The following LHX4 variants were observed in gnomAD, a reference collection of about 807,000 sequenced individuals.
LHX4 encodes LIM homeobox 4, also known as LIM/homeobox protein Lhx4.
LHX4 carries 16 observed loss-of-function variants against 39.2 expected under a neutral mutation model. The observed-to-expected ratio is 0.41, with a 90% CI of 0.28 to 0.62. LHX4 has a LOEUF of 0.62. LHX4 is among the 20% of genes least tolerant of loss of function. LHX4 has a pLI of 0.33. For missense variants in LHX4, 439 were observed against 511.9 expected (o/e 0.86, Z 1.37); for synonymous variants, 206 against 198.1 (o/e 1.04, Z -0.33).
At chr1:180,246,475 G>C (rs1051531520) in intron 1 of LHX4, among the ~76,000 whole-genome samples, 19 of 152,204 alleles carry the variant, frequency 1.2e-4, no homozygotes, top group Non-Finnish European at 4.4e-5. Context: ...ATTTTGGGAG[G>C]CCGAGGCAGG....
chr1:180,274,087 G>A (rs537245691), intron 5 of LHX4, 98 bp from the exon 6 acceptor site: 2 of 1,479,826 alleles, frequency 1.4e-6, no homozygotes, highest in South Asian at 1.1e-5. Flanking sequence ...GCCATCCTTG[G>A]GCATCTTTCC....
intron 3 of LHX4, among the ~76,000 whole-genome samples, chr1:180,268,080 G>A (rs1558221448): frequency 6.6e-6 from 1 of 152,180 alleles, no homozygotes; most frequent in Non-Finnish European, 1.5e-5. Context: ...TGCCTGCAAT[G>A]TACTAATCTG....
rs4652490 is a variant in LHX4 at position 180,248,115 on chromosome 1, C to T, written c.77-170C>T. ...TCAGTCCCCACTTGTTCCTTGACTA[C>T]GTACGTTTGTGTGCAATGTATAACC... On this transcript the variant is annotated intron_variant, in intron 1 of 5. Coordinates refer to ENST00000263726, the MANE Select transcript of LHX4 (RefSeq NM_033343.4). Among the ~76,000 whole-genome samples the T allele has an allele frequency of 0.18, 27,915 of 152,210 alleles. 2,696 individuals are homozygous for T. The highest frequency in any genetic ancestry group is 0.2 in the African/African-American group (8,394 of 41,524).
chr1:180,253,966 C>A (rs1647737250), intron 2 of LHX4, among the ~76,000 whole-genome samples: 1 of 152,140 alleles, frequency 6.6e-6, no homozygotes, highest in South Asian at 2.1e-4. Flanking sequence ...CCATGTGGAT[C>A]TCTGTGAAGA....
rs1033859279 is a variant in LHX4, at chr1:180,232,228, A to G, written c.76+1623A>G. Among the ~76,000 whole-genome samples, 1 of 152,126 alleles carries G rather than the reference A, an allele frequency of 6.6e-6. No homozygotes were observed. The highest frequency in any genetic ancestry group is 2.4e-5 in the African/African-American group (1 of 41,430). On this transcript the variant is annotated intron_variant, in intron 1 of 5. Transcript: ENST00000263726. The surrounding 1 kb of genome is among the most constrained non-coding windows in gnomAD (Gnocchi z 5.4). ...AGTGGGGGAAGGGTGTGTGTGTGTT[A>G]CTAGTGTCCTTGGTACCCAGTACGT...
In LHX4 at chr1:180,230,737, G is replaced by A; in HGVS notation, c.76+132G>A. On this transcript the variant is annotated intron_variant, in intron 1 of 5. Coordinates refer to ENST00000263726, the MANE Select transcript of LHX4 (RefSeq NM_033343.4). The surrounding 1 kb of genome is among the most constrained non-coding windows in gnomAD (Gnocchi z 5.8). ...GCCGGGGCGCAGAGGCGGTCACAGG[G>A]CAGGGGCACCAGCCAGAGTGCGTTT... The A allele has an allele frequency of 2.5e-6, 2 of 814,228 alleles. No individual in the cohort carries two copies. The highest frequency in any genetic ancestry group is 4.1e-6 in the Non-Finnish European group (2 of 482,760). 50.4% of individuals were successfully genotyped at this position (814,228 alleles called of 1,614,324 possible).
chr1:180,272,865 G>A (rs779085892), intron 5 of LHX4: 27 of 152,246 alleles, frequency 1.8e-4, no homozygotes, highest in Non-Finnish European at 3.8e-4. Flanking sequence ...AACTGTGGAT[G>A]TGCTTGGGGA....
rs200544905 is a variant in LHX4, at chr1:180,230,595, G to T, written c.66G>T (p.Val22=). The change falls in exon 1 of 6, where the codon GTG becomes GTT. Residue 22 remains valine, a synonymous_variant. Coordinates refer to ENST00000263726, the MANE Select transcript of LHX4 (RefSeq NM_033343.4). The surrounding 1 kb of genome is among the most constrained non-coding windows in gnomAD (Gnocchi z 5.8). ...AGGGGCTCCCGGAGATGCTAGGTGT[G>T]CCGATGCAACGTAAGACACCCCCCT... ...AVKGLPEMLG[V]PMQQIPQCAG... The T allele has an allele frequency of 1.1e-5, 18 of 1,613,602 alleles. No individual in the cohort carries two copies. The South Asian group carries it at 1.9e-4, about 17-fold the overall frequency.
At chr1:180,249,923 G>C (rs1389053301) in intron 2 of LHX4, among the ~76,000 whole-genome samples, 2 of 151,840 alleles carry the variant, frequency 1.3e-5, no homozygotes, top group Non-Finnish European at 2.9e-5. Flanking sequence ...GTGTGTGTGA[G>C]AGTGTGTGTG....
chr1:180,270,836 T>C (rs2149265802), intron 3 of LHX4: 1 of 188,664 alleles, frequency 5.3e-6, no homozygotes, highest in South Asian at 1.1e-4. Flanking sequence ...GGTTCTGACC[T>C]ATAGTTTAGA....
rs1648309067 is a variant in LHX4 at position 180,266,286 on chromosome 1, T to C, written c.249-106T>C. ...CTGGGTGACTGGGGGGTGAGGCTCA[T>C]GGAGTCCCGGAGTGGTGGGGTAGGA... On this transcript the variant is annotated intron_variant, in intron 2 of 5. Coordinates refer to ENST00000263726, the MANE Select transcript of LHX4 (RefSeq NM_033343.4). The surrounding 1 kb of genome is among the most constrained non-coding windows in gnomAD (Gnocchi z 5.7). 32 of 1,063,166 alleles carry C rather than the reference T, an allele frequency of 3.0e-5. 1 individual carries two copies. The South Asian group carries it at 4.1e-4, about 14-fold the overall frequency. 65.9% of individuals were successfully genotyped at this position (1,063,166 alleles called of 1,614,324 possible). A position where few individuals can be genotyped will look rare whatever the true frequency, so the allele number is the denominator to read the frequency against.
rs1664149784 is a variant in LHX4 at position 180,230,477 on chromosome 1, G to A, written c.-53G>A. ...TTTGAAATTTCTGAATCGAGCTAGAGCGAGAGAGCGAGAGATCTCCGTAGA... is the reference window on the plus strand; with the variant it reads ...TTTGAAATTTCTGAATCGAGCTAGAACGAGAGAGCGAGAGATCTCCGTAGA... On this transcript the variant is annotated 5_prime_UTR_variant, in exon 1 of 6. Transcript: ENST00000263726. This position sits in a 1 kb window ranked among gnomAD's most constrained non-coding sequence, Gnocchi z 5.8. 1.4e-6 allele frequency: 2 copies of A among 1,443,438 alleles called. No homozygotes were observed. The highest frequency in any genetic ancestry group is 1.9e-6 in the Non-Finnish European group (2 of 1,027,444). The allele number at this position is 1,443,438 out of a possible 1,614,324, so 89.4% of individuals were successfully genotyped here. A position where few individuals can be genotyped will look rare whatever the true frequency, so the allele number is the denominator to read the frequency against.
intron 1 of LHX4, among the ~76,000 whole-genome samples, chr1:180,244,391 G>A (rs999989311): frequency 7.9e-5 from 12 of 152,222 alleles, no homozygotes; most frequent in South Asian, 4.1e-4. Context: ...GTGACCCAGC[G>A]CGGATCCTTT....
chr1:180,231,108 G>A (rs1312180954), intron 1 of LHX4, among the ~76,000 whole-genome samples: 1 of 152,046 alleles, frequency 6.6e-6, no homozygotes, highest in Non-Finnish European at 1.5e-5. Flanking sequence ...CGCGCCCCGG[G>A]CGTGCGTGCC....
chr1:180,271,139 G>A, intron 3 of LHX4: 1 of 575,912 alleles, frequency 1.7e-6, no homozygotes, highest in Non-Finnish European at 3.1e-6. Context: ...GAGGGTTGAG[G>A]CAGGGAGCTG....
chr1:180,248,478 C>T (rs946388967), intron 2 of LHX4, 22 bp downstream of exon 2: 17 of 1,613,120 alleles, frequency 1.1e-5, no homozygotes, highest in African/African-American at 1.3e-5. Context: ...CGGTCCGTCT[C>T]GTGGCCCTGG....
chr1:180,253,677 A>G (rs1252345362), intron 2 of LHX4, among the ~76,000 whole-genome samples: 1 of 152,192 alleles, frequency 6.6e-6, no homozygotes, highest in Non-Finnish European at 1.5e-5. Context: ...CCACCGAGCT[A>G]GGAAGAAGAC....
intron 1 of LHX4, among the ~76,000 whole-genome samples, chr1:180,247,133 A>G (rs1285618372): frequency 6.6e-6 from 1 of 152,184 alleles, no homozygotes; most frequent in Non-Finnish European, 1.5e-5. Context: ...TGTTCATCCA[A>G]CCACGGAAAC....
intron 1 of LHX4, among the ~76,000 whole-genome samples, chr1:180,243,938 GCT>G (rs1380280232): frequency 1.3e-5 from 2 of 152,206 alleles, no homozygotes; most frequent in Non-Finnish European, 2.9e-5. Flanking sequence ...GGCCCCTTGA[GCT>G]CTCAGGTTGG....
Sources: allele counts gnomAD v4.1 joint callset (sites outside exome capture counted in the v4.1 genomes callset), GRCh38; gene constraint gnomAD v4.1.1; non-coding constraint Gnocchi (gnomAD v3.1); transcripts MANE v1.5; gene names NCBI Gene and HGNC (gene_info 2026-07-23, HGNC 2026-07-21).